Variants in RBFOX1 observed in about 807,000 individuals in gnomAD.
RBFOX1 encodes the protein RNA binding protein fox-1 homolog 1.
A neutral mutation model predicts 57.7 loss-of-function variants in RBFOX1; 8 were observed. That is an observed-to-expected ratio of 0.14 (90% CI 0.08 to 0.25). The LOEUF is 0.25. Among genes scored for constraint, RBFOX1 ranks in the 10% least tolerant of loss-of-function variants. RBFOX1 has a pLI of 1.00. For synonymous variants in RBFOX1, 326 were observed against 222.4 expected, an observed-to-expected ratio of 1.47 and a Z score of -4.15; for missense variants, 611 against 548.5, an observed-to-expected ratio of 1.11 and a Z score of -1.14.
chr16:7,392,854 G>T (rs931505195), intron 4 of RBFOX1, among the ~76,000 whole-genome samples: 1 of 122,988 alleles, frequency 8.1e-6, no homozygotes, highest in Admixed American at 7.5e-5. Context: ...GGTTTGGTTT[G>T]GTTTGTTTGT....
intron 1 of RBFOX1, among the ~76,000 whole-genome samples, chr16:6,307,823 G>A (rs890220071): frequency 6.8e-6 from 1 of 146,422 alleles, no homozygotes; most frequent in African/African-American, 2.5e-5. Context: ...TGATAATTAT[G>A]TTATTTATAT....
chr16:7,458,310 C>T (rs549812173), intron 4 of RBFOX1, among the ~76,000 whole-genome samples: 1 of 152,258 alleles, frequency 6.6e-6, no homozygotes, highest in South Asian at 2.1e-4. Flanking sequence ...TCTCTGCCTT[C>T]CCCTAAGTCT....
intron 2 of RBFOX1, among the ~76,000 whole-genome samples, chr16:6,595,886 C>T (rs571408440): frequency 6.6e-5 from 10 of 152,124 alleles, no homozygotes; most frequent in South Asian, 2.1e-4. Context: ...AAAAATACTT[C>T]GCCAACTTTT....
At chr16:5,657,560 C>T (rs1170586509) in intron 3 of RBFOX1, among the ~76,000 whole-genome samples, 1 of 152,124 alleles carries the variant, frequency 6.6e-6, no homozygotes, top group Admixed American at 6.5e-5. Flanking sequence ...TTTTCACTTG[C>T]TGGACTTGGA....
intron 4 of RBFOX1, among the ~76,000 whole-genome samples, chr16:7,495,794 T>C (rs1475780814): frequency 6.6e-6 from 1 of 152,182 alleles, no homozygotes; most frequent in Non-Finnish European, 1.5e-5. Flanking sequence ...ATCTCAGAAA[T>C]CCGCACTAGA....
At chr16:5,847,004 G>A (rs1213471956) in intron 3 of RBFOX1, among the ~76,000 whole-genome samples, 1 of 152,186 alleles carries the variant, frequency 6.6e-6, no homozygotes, top group Non-Finnish European at 1.5e-5. Context: ...TCCTTAGCTA[G>A]ATCCCAAGAG....
At chr16:6,726,535 G>A (rs376685408) in intron 3 of RBFOX1, among the ~76,000 whole-genome samples, 2 of 152,032 alleles carry the variant, frequency 1.3e-5, no homozygotes, top group Admixed American at 6.6e-5. Flanking sequence ...GCCTGGACAT[G>A]TTCAGGTTCT....
intron 2 of RBFOX1, among the ~76,000 whole-genome samples, chr16:5,515,166 C>T (rs747340183): frequency 5.9e-5 from 9 of 152,298 alleles, no homozygotes; most frequent in East Asian, 3.9e-4. Flanking sequence ...ACTTCAATAC[C>T]GGGGATTACA....
intron 4 of RBFOX1, among the ~76,000 whole-genome samples, chr16:7,371,866 A>T (rs1375109774): frequency 6.6e-6 from 1 of 152,196 alleles, no homozygotes; most frequent in Admixed American, 6.5e-5. Context: ...GTGTGACTTT[A>T]TCTTGCTTAA....
At chr16:7,670,500 G>A (rs886571561) in intron 13 of RBFOX1, among the ~76,000 whole-genome samples, 16 of 152,196 alleles carry the variant, frequency 1.1e-4, no homozygotes, top group Admixed American at 8.5e-4. Context: ...TACGGTGAAA[G>A]ATGGGAAAGG....
At chr16:5,837,851 A>T (rs1326881785) in intron 3 of RBFOX1, among the ~76,000 whole-genome samples, 1 of 152,032 alleles carries the variant, frequency 6.6e-6, no homozygotes, top group Non-Finnish European at 1.5e-5. Context: ...GGTGGCATAG[A>T]AGTCTGTTCT....
chr16:6,000,530 G>T (rs1264005433), intron 4 of RBFOX1, among the ~76,000 whole-genome samples: 9 of 152,114 alleles, frequency 5.9e-5, no homozygotes, highest in Non-Finnish European at 1.3e-4. Context: ...CGCAAAATAA[G>T]GGCGAAAACT....
intron 2 of RBFOX1, among the ~76,000 whole-genome samples, chr16:5,543,653 T>A (rs1024924623): frequency 6.6e-6 from 1 of 152,102 alleles, no homozygotes; most frequent in Admixed American, 6.6e-5. Flanking sequence ...TTTCCACATT[T>A]CATGAAAATC....
intron 1 of RBFOX1, among the ~76,000 whole-genome samples, chr16:6,258,099 C>T (rs2097679788): frequency 2.0e-5 from 3 of 152,146 alleles, no homozygotes; most frequent in South Asian, 2.1e-4. Flanking sequence ...ATAAAATTCC[C>T]ATGCCCTTAT....
intron 4 of RBFOX1, among the ~76,000 whole-genome samples, chr16:7,312,938 G>C (rs140760795): frequency 6.6e-6 from 1 of 152,186 alleles, no homozygotes; most frequent in Non-Finnish European, 1.5e-5. Flanking sequence ...GTGCCTGGGT[G>C]CTTGGCACTG....
chr16:5,512,745 A>T (rs997151551), intron 2 of RBFOX1, among the ~76,000 whole-genome samples: 8 of 152,232 alleles, frequency 5.3e-5, no homozygotes, highest in African/African-American at 1.9e-4. Context: ...CACGTTCGTC[A>T]TAACTAACAG....
At chr16:7,004,672 A>C (rs1344177031) in intron 3 of RBFOX1, among the ~76,000 whole-genome samples, 1 of 152,216 alleles carries the variant, frequency 6.6e-6, no homozygotes, top group East Asian at 1.9e-4. Flanking sequence ...TTTTCTATAT[A>C]GGGAAAATAT....
At chr16:6,177,938 G>A (rs1296553491) in intron 1 of RBFOX1, among the ~76,000 whole-genome samples, 6 of 110,678 alleles carry the variant, frequency 5.4e-5, no homozygotes, top group South Asian at 2.7e-4. Flanking sequence ...AAAAAAAAAA[G>A]AGCCTTTTCA....
At chr16:7,674,839 T>C (rs1240283870) in intron 13 of RBFOX1, among the ~76,000 whole-genome samples, 1 of 152,248 alleles carries the variant, frequency 6.6e-6, no homozygotes, top group Non-Finnish European at 1.5e-5. Context: ...CTCGCTGCCT[T>C]CTTCCATTGA....
Sources: gnomAD v4.1 joint callset for allele counts (sites outside exome capture counted in the v4.1 genomes callset) on GRCh38, gnomAD v4.1.1 for gene constraint, MANE v1.5 for transcripts, NCBI Gene and HGNC (gene_info 2026-07-23, HGNC 2026-07-21) for gene names.